DCC: variants seen among roughly 807,000 people sequenced by gnomAD.
The protein encoded by DCC is netrin receptor DCC.
DCC carries 58 observed loss-of-function variants against 172.5 expected under a neutral mutation model. The ratio of observed to expected loss-of-function variants is 0.34; its 90% confidence interval spans 0.27 to 0.42. The LOEUF (loss-of-function observed/expected upper bound fraction) is 0.42. Among genes scored for constraint, DCC ranks in the 10% least tolerant of loss-of-function variants. The probability of loss-of-function intolerance (pLI) is 1.00; values close to 1 mark genes in which losing one functional copy is unlikely to be tolerated. For missense variants in DCC, 1,740 were observed against 1,791.0 expected, an observed-to-expected ratio of 0.97 and a Z score of 0.51; for synonymous variants, 709 against 644.5, an observed-to-expected ratio of 1.10 and a Z score of -1.52.
chr18:53,523,717 A>G (rs2046424823), intron 27 of DCC, among the ~76,000 whole-genome samples: 1 of 152,016 alleles, frequency 6.6e-6, no homozygotes, highest in Non-Finnish European at 1.5e-5. Flanking sequence ...ATGAGAACAC[A>G]TGGACACAGG....
chr18:52,376,715 C>A (rs1985364039), intron 1 of DCC, among the ~76,000 whole-genome samples: 1 of 152,154 alleles, frequency 6.6e-6, no homozygotes, highest in African/African-American at 2.4e-5. Flanking sequence ...AAGTTCCAGG[C>A]ACTTTACATA....
At chr18:52,540,198 G>A (rs1245830947) in intron 1 of DCC, among the ~76,000 whole-genome samples, 1 of 152,192 alleles carries the variant, frequency 6.6e-6, no homozygotes, top group Non-Finnish European at 1.5e-5. Flanking sequence ...CACCTTGGGA[G>A]GCTGAGGCCA....
intron 7 of DCC, among the ~76,000 whole-genome samples, chr18:53,104,851 T>G (rs902014477): frequency 4.6e-5 from 7 of 152,038 alleles, no homozygotes; most frequent in African/African-American, 1.7e-4. Flanking sequence ...AAGTAGGTTA[T>G]TTATCATTTA....
At chr18:52,680,872 G>C (rs577485023) in intron 1 of DCC, among the ~76,000 whole-genome samples, 1 of 152,142 alleles carries the variant, frequency 6.6e-6, no homozygotes, top group East Asian at 1.9e-4. Flanking sequence ...GCCTAACATA[G>C]ATAACATGAT....
chr18:52,628,628 C>G (rs2034617330), intron 1 of DCC, among the ~76,000 whole-genome samples: 1 of 152,328 alleles, frequency 6.6e-6, no homozygotes, highest in South Asian at 2.1e-4. Context: ...ACCCACACCC[C>G]TACCTCCAAT....
intron 2 of DCC, among the ~76,000 whole-genome samples, chr18:52,760,676 T>C (rs1289532623): frequency 6.6e-6 from 1 of 152,216 alleles, no homozygotes; most frequent in Non-Finnish European, 1.5e-5. Context: ...CTGATTTTTG[T>C]CCTATTTTTA....
intron 2 of DCC, among the ~76,000 whole-genome samples, chr18:52,897,658 T>G (rs1349281037): frequency 6.6e-6 from 1 of 152,192 alleles, no homozygotes; most frequent in Non-Finnish European, 1.5e-5. Flanking sequence ...TCTTTCCCTT[T>G]GACATCCTTT....
chr18:53,487,535 T>TG (rs1204228904), intron 26 of DCC, among the ~76,000 whole-genome samples: 2 of 151,610 alleles, frequency 1.3e-5, no homozygotes, highest in Non-Finnish European at 2.9e-5. Flanking sequence ...GACTCTTTTT[T>TG]TTTTTTTTTT....
At chr18:53,066,007 G>A in intron 6 of DCC, 39 bp from the exon 7 acceptor site, 1 of 1,609,612 alleles carries the variant, frequency 6.2e-7, no homozygotes, top group Non-Finnish European at 8.5e-7. Flanking sequence ...TGCATTTTTT[G>A]CTTTCTAAAA....
chr18:52,515,623 A>AAAAAAAAAAAAAAAAAAAAC, intron 1 of DCC, among the ~76,000 whole-genome samples: 1 of 141,906 alleles, frequency 7.0e-6, no homozygotes, highest in Non-Finnish European at 1.5e-5. Context: ...AAAAAAAAAA[A>AAAAAAAAAAAAAAAAAAAAC]AAATCATACA....
chr18:53,233,794 T>C (rs2056158218), intron 12 of DCC, among the ~76,000 whole-genome samples: 1 of 152,160 alleles, frequency 6.6e-6, no homozygotes, highest in Non-Finnish European at 1.5e-5. Context: ...GAAGCAAATA[T>C]GTTTGTCACT....
At chr18:52,464,471 G>A (rs562884945) in intron 1 of DCC, among the ~76,000 whole-genome samples, 1 of 152,256 alleles carries the variant, frequency 6.6e-6, no homozygotes, top group African/African-American at 2.4e-5. Context: ...AATTAGGCAA[G>A]CATATTCATT....
chr18:52,717,639 G>A (rs1264128762), intron 1 of DCC, among the ~76,000 whole-genome samples: 2 of 152,006 alleles, frequency 1.3e-5, no homozygotes, highest in African/African-American at 2.4e-5. Context: ...ACCTTTATAT[G>A]TAATGGACAA....
intron 1 of DCC, among the ~76,000 whole-genome samples, chr18:52,539,619 G>A (rs573172102): frequency 1.3e-5 from 2 of 152,124 alleles, no homozygotes; most frequent in Non-Finnish European, 2.9e-5. Flanking sequence ...CTGAATCCAT[G>A]CCCCCGGCCC....
chr18:53,018,132 A>C (rs1277474221), intron 5 of DCC, among the ~76,000 whole-genome samples: 1 of 152,208 alleles, frequency 6.6e-6, no homozygotes, highest in Non-Finnish European at 1.5e-5. Context: ...ACAAACATGC[A>C]CATTCTGCAC....
intron 1 of DCC, among the ~76,000 whole-genome samples, chr18:52,543,111 T>C (rs1249235095): frequency 1.3e-5 from 2 of 152,090 alleles, no homozygotes; most frequent in African/African-American, 2.4e-5. Context: ...CTTTATCAAA[T>C]AGAGGCTAGA....
chr18:53,465,900 G>A (rs2045614522), intron 24 of DCC, among the ~76,000 whole-genome samples: 1 of 151,866 alleles, frequency 6.6e-6, no homozygotes, highest in African/African-American at 2.4e-5. Context: ...AAGTAGCTGG[G>A]ACTACAGGCA....
intron 25 of DCC, among the ~76,000 whole-genome samples, chr18:53,481,571 G>C (rs1465181386): frequency 1.3e-5 from 2 of 152,094 alleles, no homozygotes; most frequent in South Asian, 2.1e-4. Flanking sequence ...TTGTGGAAAA[G>C]AGAAGATAAA....
chr18:52,530,527 G>A (rs1031381387), intron 1 of DCC, among the ~76,000 whole-genome samples: 7 of 152,176 alleles, frequency 4.6e-5, no homozygotes, highest in African/African-American at 1.4e-4. Flanking sequence ...AACAGAGAAT[G>A]CACATAAAAC....
Sources: gnomAD v4.1 joint callset for allele counts (sites outside exome capture counted in the v4.1 genomes callset) on GRCh38, gnomAD v4.1.1 for gene constraint, MANE v1.5 for transcripts, NCBI Gene and HGNC (gene_info 2026-07-23, HGNC 2026-07-21) for gene names.